Variants in HS6ST3 observed in about 807,000 individuals in gnomAD.
HS6ST3 encodes the protein heparan sulfate 6-O-sulfotransferase 3.
In HS6ST3, 12 loss-of-function variants were observed where a neutral mutation model predicts 36.7. The ratio of observed to expected loss-of-function variants is 0.33; its 90% confidence interval spans 0.21 to 0.53. The LOEUF (loss-of-function observed/expected upper bound fraction) is 0.53. Ranked by LOEUF, HS6ST3 falls within the 20% of genes least tolerant of loss-of-function variation. HS6ST3 has a pLI of 0.95. For missense variants in HS6ST3, 584 were observed against 640.9 expected (o/e 0.91, Z 0.96); for synonymous variants, 240 against 257.5 (o/e 0.93, Z 0.65).
chr13:96,486,326 C>T (rs372791744), intron 1 of HS6ST3, among the ~76,000 whole-genome samples: 2 of 152,054 alleles, frequency 1.3e-5, no homozygotes, highest in African/African-American at 2.4e-5. Context: ...AATAAACATC[C>T]GTGTGCATGT....
chr13:96,460,861 G>A (rs1360477159), intron 1 of HS6ST3, among the ~76,000 whole-genome samples: 1 of 152,174 alleles, frequency 6.6e-6, no homozygotes, highest in African/African-American at 2.4e-5. Context: ...ATATAGTCAG[G>A]AAGTATAACT....
chr13:96,167,614 A>G (rs1195436910), intron 1 of HS6ST3, among the ~76,000 whole-genome samples: 9 of 152,222 alleles, frequency 5.9e-5, no homozygotes, highest in Non-Finnish European at 5.9e-5. Flanking sequence ...GTGCTTTGCA[A>G]ATATGAAGCA....
At chr13:96,576,167 C>T (rs1272143670) in intron 1 of HS6ST3, among the ~76,000 whole-genome samples, 3 of 149,644 alleles carry the variant, frequency 2.0e-5, no homozygotes, top group African/African-American at 4.9e-5. Context: ...AGGGAACGGG[C>T]GAGGGTGTGT....
chr13:96,149,628 G>C (rs1364164656), intron 1 of HS6ST3, among the ~76,000 whole-genome samples: 6 of 152,042 alleles, frequency 3.9e-5, no homozygotes, highest in African/African-American at 1.4e-4. Context: ...ATTTTATTTG[G>C]ATCAATTAAA....
intron 1 of HS6ST3, among the ~76,000 whole-genome samples, chr13:96,337,601 T>C (rs543870588): frequency 6.6e-6 from 1 of 152,310 alleles, no homozygotes; most frequent in East Asian, 1.9e-4. Context: ...ATTGTAGTTC[T>C]CAGTGCTCTG....
At chr13:96,241,591 A>G (rs1199132767) in intron 1 of HS6ST3, among the ~76,000 whole-genome samples, 3 of 151,278 alleles carry the variant, frequency 2.0e-5, no homozygotes, top group African/African-American at 7.3e-5. Context: ...TTAGAACCTT[A>G]TGGTCCCAGG....
At chr13:96,108,100 CG>C (rs1238175714) in intron 1 of HS6ST3, among the ~76,000 whole-genome samples, 1 of 152,050 alleles carries the variant, frequency 6.6e-6, no homozygotes, top group African/African-American at 2.4e-5. Flanking sequence ...TTGCCGAAAA[CG>C]GGTAAGAGAA....
chr13:96,420,741 G>C (rs577927928), intron 1 of HS6ST3, among the ~76,000 whole-genome samples: 2 of 152,154 alleles, frequency 1.3e-5, no homozygotes, highest in South Asian at 4.2e-4. Context: ...ATGGATATTT[G>C]GTGCGTTTTA....
intron 1 of HS6ST3, among the ~76,000 whole-genome samples, chr13:96,129,106 C>T (rs780308326): frequency 1.3e-5 from 2 of 152,202 alleles, no homozygotes; most frequent in Non-Finnish European, 2.9e-5. Context: ...TTCAGCCTCC[C>T]TCCCAAAGTG....
At chr13:96,455,881 A>C (rs2055752266) in intron 1 of HS6ST3, among the ~76,000 whole-genome samples, 1 of 152,202 alleles carries the variant, frequency 6.6e-6, no homozygotes, top group South Asian at 2.1e-4. Context: ...TGTGAAACAG[A>C]GGTAGCCAGG....
intron 1 of HS6ST3, among the ~76,000 whole-genome samples, chr13:96,828,917 A>G (rs1329905352): frequency 6.6e-6 from 1 of 152,230 alleles, no homozygotes; most frequent in African/African-American, 2.4e-5. Context: ...TGAATAAAGT[A>G]TCTCCTTTAA....
intron 1 of HS6ST3, among the ~76,000 whole-genome samples, chr13:96,195,518 T>A (rs1327629): frequency 1.3e-5 from 2 of 152,020 alleles, no homozygotes; most frequent in Admixed American, 1.3e-4. Context: ...CAGGAAAGAA[T>A]TACAACCTCG....
chr13:96,236,557 T>A (rs992940160), intron 1 of HS6ST3, among the ~76,000 whole-genome samples: 5 of 152,104 alleles, frequency 3.3e-5, no homozygotes, highest in African/African-American at 1.2e-4. Flanking sequence ...AGCCCTCAAC[T>A]TTTTTACCTT....
intron 1 of HS6ST3, among the ~76,000 whole-genome samples, chr13:96,303,832 A>G (rs190154946): frequency 9.3e-4 from 141 of 152,302 alleles, no homozygotes; most frequent in African/African-American, 3.2e-3. Context: ...GACTGGAACT[A>G]GGAAGATTCA....
intron 1 of HS6ST3, among the ~76,000 whole-genome samples, chr13:96,242,596 T>C (rs1346469867): frequency 1.3e-5 from 2 of 151,410 alleles, no homozygotes; most frequent in African/African-American, 4.9e-5. Flanking sequence ...TCGCTTAGCA[T>C]AATATCTTCC....
At chr13:96,395,385 G>A (rs9300351) in intron 1 of HS6ST3, among the ~76,000 whole-genome samples, 42,124 of 151,986 alleles carry the variant, frequency 0.28, 6,243 homozygotes, top group Non-Finnish European at 0.34. Flanking sequence ...AGGTGCTCCC[G>A]CACTAAGTCT....
chr13:96,181,642 A>G (rs1179536480), intron 1 of HS6ST3, among the ~76,000 whole-genome samples: 1 of 152,108 alleles, frequency 6.6e-6, no homozygotes, highest in Admixed American at 6.6e-5. Context: ...TCGACTCGGA[A>G]GGCTGATCCT....
At chr13:96,490,936 A>G (rs1044166298) in intron 1 of HS6ST3, among the ~76,000 whole-genome samples, 1 of 152,236 alleles carries the variant, frequency 6.6e-6, no homozygotes, top group Non-Finnish European at 1.5e-5. Context: ...ACCTATGGCG[A>G]ACCACGCAAG....
At chr13:96,629,101 C>T (rs536176073) in intron 1 of HS6ST3, among the ~76,000 whole-genome samples, 3 of 152,098 alleles carry the variant, frequency 2.0e-5, no homozygotes, top group Admixed American at 2.0e-4. Context: ...ATTTTTTTAG[C>T]ATTTACTGTG....
Sources: allele counts gnomAD v4.1 joint callset (sites outside exome capture counted in the v4.1 genomes callset), GRCh38; gene constraint gnomAD v4.1.1; transcripts MANE v1.5; gene names NCBI Gene and HGNC (gene_info 2026-07-23, HGNC 2026-07-21).